The following LRRK1 variants were observed in gnomAD, a reference collection of about 807,000 sequenced individuals.
The protein encoded by LRRK1 is leucine-rich repeat serine/threonine-protein kinase 1.
In LRRK1, 113 loss-of-function variants were observed where a neutral mutation model predicts 209.1. That is an observed-to-expected ratio of 0.54 (90% CI 0.46 to 0.63). The LOEUF (loss-of-function observed/expected upper bound fraction) is 0.63. Ranked by LOEUF, LRRK1 falls within the 30% of genes least tolerant of loss-of-function variation. The pLI, the probability that LRRK1 is intolerant of heterozygous loss-of-function variation, is 0.00. For missense variants in LRRK1, 2,284 were observed against 2,632.2 expected (o/e 0.87, Z 2.89); for synonymous variants, 1,144 against 1,099.7 (o/e 1.04, Z -0.80).
chr15:101,065,434 G>A lies in LRRK1; in HGVS notation c.4997G>A (p.Cys1666Tyr), dbSNP rs750686458. Reference protein sequence around the residue: ...PVVRGTPKDSCSYLCSHTANR... With the variant: ...PVVRGTPKDSYSYLCSHTANR... Reference sequence around the variant, plus strand: ...GTGCGGGGCACCCCAAAGGACAGCTGCTCCTACCTGTGCTCACACACAGCC... The same window carrying A: ...GTGCGGGGCACCCCAAAGGACAGCTACTCCTACCTGTGCTCACACACAGCC... The change falls in exon 32 of 34, where the codon TGC becomes TAC. Residue 1666 changes from cysteine to tyrosine, a missense_variant. By Grantham distance (194) the Cys-to-Tyr change is radical. Transcript: ENST00000388948. The A allele has an allele frequency of 6.2e-7, 1 of 1,614,172 alleles. No homozygotes were observed. Among genetic ancestry groups the A allele is most frequent in the Admixed American group, 1.7e-5 (1 of 60,032 alleles).
At chr15:101,004,600 G>C (rs2032855068) in intron 6 of LRRK1, among the ~76,000 whole-genome samples, 1 of 152,240 alleles carries the variant, frequency 6.6e-6, no homozygotes, top group Non-Finnish European at 1.5e-5. Context: ...AATGTGGGCT[G>C]AGTCAGTGCC....
Position 100,988,641 on chromosome 15 carries a change from C to T in LRRK1, c.441C>T (p.Cys147=), listed in dbSNP as rs1203935737. 1.9e-6 allele frequency: 3 copies of T among 1,614,154 alleles called. No homozygotes were observed. The highest frequency in any genetic ancestry group is 2.2e-5 in the South Asian group (2 of 91,088). The change falls in exon 5 of 34, where the codon TGC becomes TGT. Residue 147 remains cysteine, a synonymous_variant. Coordinates refer to ENST00000388948, the MANE Select transcript of LRRK1 (RefSeq NM_024652.6). ...CCTGCCATCTCCTGCCAGGTCCCTG[C>T]AGTCCCCAGCGGCTTCTGAACTGGA... ...QELLESLPGP[C]SPQRLLNWML...
chr15:101,003,378 G>A (rs1249087746), intron 6 of LRRK1, among the ~76,000 whole-genome samples: 2 of 152,176 alleles, frequency 1.3e-5, no homozygotes, highest in African/African-American at 4.8e-5. Flanking sequence ...TCTCCAAGAG[G>A]AGAAAGGAGG....
Position 101,052,906 on chromosome 15 carries a change from CG to C in LRRK1, c.3690-13del. On this transcript the variant is annotated splice_polypyrimidine_tract_variant and intron_variant, in intron 24 of 33. Transcript: ENST00000388948. ...AGGGCGGGGGGGATGTGGCTGATGCCGGGCGTGTGTGGCAGGCTCTTCCTGG... is the reference window on the plus strand; with the variant it reads ...AGGGCGGGGGGGATGTGGCTGATGCCGGCGTGTGTGGCAGGCTCTTCCTGG... The C allele has an allele frequency of 1.3e-6, 2 of 1,599,170 alleles. No homozygotes were observed. The highest frequency in any genetic ancestry group is 1.7e-6 in the Non-Finnish European group (2 of 1,168,646).
intron 20 of LRRK1, among the ~76,000 whole-genome samples, chr15:101,036,769 G>A (rs1222029241): frequency 6.6e-6 from 1 of 151,972 alleles, no homozygotes; most frequent in East Asian, 1.9e-4. Flanking sequence ...TCACAGGGGA[G>A]AACTTTCTCC....
intron 20 of LRRK1, among the ~76,000 whole-genome samples, 170 bp from the exon 21 acceptor site, chr15:101,045,811 C>T (rs924649298): frequency 2.0e-5 from 3 of 152,176 alleles, no homozygotes; most frequent in African/African-American, 7.2e-5. Context: ...AGCATATAAA[C>T]CACGCTTCTC....
At chr15:101,009,992 G>A (rs562081948) in intron 7 of LRRK1, among the ~76,000 whole-genome samples, 55 of 152,334 alleles carry the variant, frequency 3.6e-4, no homozygotes, top group African/African-American at 1.2e-3. Context: ...CAAGAATGTT[G>A]GAAAGAGCTT....
chr15:101,061,607 C>T (rs1295500164), intron 30 of LRRK1, among the ~76,000 whole-genome samples: 1 of 152,206 alleles, frequency 6.6e-6, no homozygotes, highest in Non-Finnish European at 1.5e-5. Flanking sequence ...CACTGCTAGT[C>T]ACTCAGCTCT....
chr15:101,047,141 A>G (rs1358670855), intron 21 of LRRK1, among the ~76,000 whole-genome samples: 1 of 152,192 alleles, frequency 6.6e-6, no homozygotes, highest in African/African-American at 2.4e-5. Context: ...ACTCCGTATG[A>G]GTTTACTGTT....
chr15:100,922,018 A>G (rs1044192606), intron 1 of LRRK1, among the ~76,000 whole-genome samples: 1 of 152,156 alleles, frequency 6.6e-6, no homozygotes, highest in African/African-American at 2.4e-5. Context: ...GCACCCATCT[A>G]TTTTCTTTTC....
At position 101,065,587 on chromosome 15, in the gene LRRK1, A is replaced by C. The variant is rs2036483848; in HGVS notation, c.5150A>C (p.Asp1717Ala). ...YSNGPGLLVIDCASLEICRRL... is the reference protein window; with the variant it reads ...YSNGPGLLVIACASLEICRRL... Reference sequence around the variant, plus strand: ...AATGGGCCGGGCCTCCTTGTCATCGACTGTGCCTCCCTGGAGATCTGCAGG... The same window carrying C: ...AATGGGCCGGGCCTCCTTGTCATCGCCTGTGCCTCCCTGGAGATCTGCAGG... The change falls in exon 32 of 34, where the codon GAC becomes GCC. Residue 1717 changes from aspartate (D) to alanine (A), a missense_variant. By Grantham distance (126) the Asp-to-Ala change is moderately radical (BLOSUM62 -2). Transcript: ENST00000388948. 1 of 1,614,074 alleles carries C rather than the reference A, an allele frequency of 6.2e-7. No homozygotes were observed. Among genetic ancestry groups the C allele is most frequent in the Non-Finnish European group, 8.5e-7 (1 of 1,180,042 alleles).
chr15:101,020,996 C>T lies in LRRK1; in HGVS notation c.1610-57C>T, dbSNP rs147882748. On this transcript the variant is annotated intron_variant, in intron 12 of 33. Coordinates refer to ENST00000388948, the MANE Select transcript of LRRK1 (RefSeq NM_024652.6). ...AGTTTATACGCCCACCTGGTCACCACGCTGTGACGGTCCAGAATTATTTTT... is the reference window on the plus strand; with the variant it reads ...AGTTTATACGCCCACCTGGTCACCATGCTGTGACGGTCCAGAATTATTTTT... 1,085 of 1,605,038 alleles carry T rather than the reference C, an allele frequency of 6.8e-4. 9 individuals are homozygous for T. The African/African-American group carries it at 9.8e-3, about 14-fold the overall frequency.
At position 101,024,348 on chromosome 15, in the gene LRRK1, C is replaced by A. The variant is rs1276512141; in HGVS notation, c.2068-455C>A. ...CCAACAGCTCATCTTTTGTTTGATT[C>A]CCACAGGGTGGGAGGGAGTTTCCCA... On this transcript the variant is annotated intron_variant, in intron 15 of 33. Coordinates refer to ENST00000388948, the MANE Select transcript of LRRK1 (RefSeq NM_024652.6). The surrounding 1 kb of genome is among the most constrained non-coding windows in gnomAD (Gnocchi z 4.6). 6.6e-6 allele frequency among the ~76,000 whole-genome samples: 1 copy of A among 152,222 alleles called. No homozygotes were observed. Among genetic ancestry groups the A allele is most frequent in the Non-Finnish European group, 1.5e-5 (1 of 68,034 alleles).
intron 6 of LRRK1, among the ~76,000 whole-genome samples, chr15:100,992,652 G>A (rs1052565801): frequency 2.9e-5 from 4 of 136,824 alleles, no homozygotes; most frequent in Non-Finnish European, 6.0e-5. Flanking sequence ...TGTTTTTGGG[G>A]TTTTGTTTTG....
intron 6 of LRRK1, among the ~76,000 whole-genome samples, chr15:101,000,500 A>G (rs750948940): frequency 6.6e-6 from 1 of 152,188 alleles, no homozygotes; most frequent in African/African-American, 2.4e-5. Flanking sequence ...CACAACAGAA[A>G]TGTATTCTCT....
rs183998753 is a variant in LRRK1, at chr15:101,005,092, G to A, written c.763-3745G>A. On this transcript the variant is annotated intron_variant, in intron 6 of 33. Coordinates refer to ENST00000388948, the MANE Select transcript of LRRK1 (RefSeq NM_024652.6). ...CACGCAGAGTGAGTGGAGAGGGTTG[G>A]ATTGCAATCTGGACACCTTGATTCC... is the stretch of plus-strand genomic sequence containing the variant. Among the ~76,000 whole-genome samples, 15 of 152,322 alleles carry A rather than the reference G, an allele frequency of 9.8e-5. No individual in the cohort carries two copies. In the East Asian group the frequency reaches 1.4e-3, roughly 14 times the overall value.
At chr15:100,937,761 T>A (rs980979487) in intron 2 of LRRK1, among the ~76,000 whole-genome samples, 2 of 152,002 alleles carry the variant, frequency 1.3e-5, no homozygotes, top group Admixed American at 6.5e-5. Flanking sequence ...GGTCTCGATC[T>A]CCTGACCTCG....
rs1427692172 is a variant in LRRK1 at position 101,075,957 on chromosome 15, T to C, written c.*7109T>C. The C allele has an allele frequency of 3.3e-5, 5 of 152,324 alleles. No homozygotes were observed. The highest frequency in any genetic ancestry group is 6.5e-5 in the Admixed American group (1 of 15,294). 9.4% of individuals were successfully genotyped at this position (152,324 alleles called of 1,614,324 possible). On this transcript the variant is annotated 3_prime_UTR_variant, in exon 34 of 34. Coordinates refer to ENST00000388948, the MANE Select transcript of LRRK1 (RefSeq NM_024652.6). ...CAGTCAAGCCCAAATTTTTTCCCTA[T>C]CTGTTACCTATCTCAGCATAATTCT...
At chr15:101,001,772 T>A (rs1384259771) in intron 6 of LRRK1, among the ~76,000 whole-genome samples, 1 of 152,220 alleles carries the variant, frequency 6.6e-6, no homozygotes, top group Non-Finnish European at 1.5e-5. Flanking sequence ...GTCTGTGCTC[T>A]GAAGGGATCT....
Sources: gnomAD v4.1 joint callset for allele counts (sites outside exome capture counted in the v4.1 genomes callset) on GRCh38, gnomAD v4.1.1 for gene constraint, Gnocchi (gnomAD v3.1) non-coding constraint, MANE v1.5 for transcripts, NCBI Gene and HGNC (gene_info 2026-07-23, HGNC 2026-07-21) for gene names.